The following ASTN2 variants were observed in gnomAD, a reference collection of about 807,000 sequenced individuals.
The protein encoded by ASTN2 is astrotactin 2.
In ASTN2, 54 loss-of-function variants were observed where a neutral mutation model predicts 139.8. The observed-to-expected ratio is 0.39, with a 90% CI of 0.31 to 0.48. ASTN2 has a LOEUF of 0.48. ASTN2 is among the 20% of genes least tolerant of loss of function. ASTN2 has a pLI of 0.95. For missense variants in ASTN2, 1,565 were observed against 1,725.1 expected, an observed-to-expected ratio of 0.91 and a Z score of 1.64; for synonymous variants, 756 against 719.5, an observed-to-expected ratio of 1.05 and a Z score of -0.81.
chr9:116,511,167 G>A (rs1265280041), intron 19 of ASTN2, among the ~76,000 whole-genome samples: 1 of 152,104 alleles, frequency 6.6e-6, no homozygotes, highest in African/African-American at 2.4e-5. Context: ...ATTATTTTGA[G>A]ATACGTCCGA....
At chr9:117,358,938 C>A (rs551808259) in intron 1 of ASTN2, among the ~76,000 whole-genome samples, 18 of 152,220 alleles carry the variant, frequency 1.2e-4, no homozygotes, top group African/African-American at 3.9e-4. Context: ...TCACTAGCTT[C>A]TTCCTGAAAC....
intron 22 of ASTN2, among the ~76,000 whole-genome samples, chr9:116,430,545 C>A (rs1470200259): frequency 6.6e-6 from 1 of 152,146 alleles, no homozygotes; most frequent in East Asian, 1.9e-4. Context: ...TGATTCAAAG[C>A]AGAATATTAT....
chr9:117,339,512 G>T (rs957172569), intron 1 of ASTN2, among the ~76,000 whole-genome samples: 1 of 152,092 alleles, frequency 6.6e-6, no homozygotes, highest in African/African-American at 2.4e-5. Flanking sequence ...CAAAAAAAAG[G>T]AACTCCTTTG....
intron 7 of ASTN2, among the ~76,000 whole-genome samples, chr9:116,994,907 C>T (rs1192414156): frequency 7.9e-5 from 12 of 152,156 alleles, no homozygotes; most frequent in Non-Finnish European, 1.8e-4. Context: ...GTATTGTGCT[C>T]AGTGCATAAT....
rs1828832018 is a variant in ASTN2 at position 117,096,037 on chromosome 9, C to A, written c.1276+7G>T. 1 of 1,613,504 alleles carries A rather than the reference C, an allele frequency of 6.2e-7. No homozygotes were observed. The highest frequency in any genetic ancestry group is 8.5e-7 in the Non-Finnish European group (1 of 1,179,506). ...CTGGTTCTGGAACCTTCCAAGGACA[C>A]TATTACCTTTGCTGCGGCGGCGACT... On this transcript the variant is annotated splice_region_variant and intron_variant, in intron 5 of 22. Transcript: ENST00000313400.
Position 116,983,170 on chromosome 9 carries a change from C to A in ASTN2, c.1592-6385G>T, listed in dbSNP as rs140277678. Among the ~76,000 whole-genome samples the A allele has an allele frequency of 7.5e-4, 114 of 152,268 alleles. 1 individual carries two copies. The highest frequency in any genetic ancestry group is 2.6e-3 in the African/African-American group (109 of 41,560). ...TGGTTTGAAAAGACATCTCTCTGGG[C>A]CCTCAGAGCAATAAACATGGATCCC... is the stretch of plus-strand genomic sequence containing the variant. On this transcript the variant is annotated intron_variant, in intron 7 of 22. Coordinates refer to ENST00000313400, the MANE Select transcript of ASTN2 (RefSeq NM_001365068.1).
intron 6 of ASTN2, among the ~76,000 whole-genome samples, chr9:117,029,175 A>T (rs893292377): frequency 6.6e-6 from 1 of 152,182 alleles, no homozygotes; most frequent in Non-Finnish European, 1.5e-5. Flanking sequence ...GAGGATAATA[A>T]CTGGATCTAC....
In ASTN2 at chr9:116,709,499, T is replaced by C. The variant is rs531047896; in HGVS notation, c.2806+16272A>G. Among the ~76,000 whole-genome samples, 22 of 152,316 alleles carry C rather than the reference T, an allele frequency of 1.4e-4. 2 individuals carry two copies. In the South Asian group the frequency reaches 4.3e-3, roughly 30 times the overall value. ...ACTGGCCAAACTTTATGCGGTCCTT[T>C]TAGCACTGAATACCCTGACCAACAT... is the stretch of plus-strand genomic sequence containing the variant. On this transcript the variant is annotated intron_variant, in intron 16 of 22. Transcript: ENST00000313400.
chr9:116,902,850 G>A (rs952958856), intron 10 of ASTN2, among the ~76,000 whole-genome samples: 2 of 151,974 alleles, frequency 1.3e-5, no homozygotes, highest in African/African-American at 2.4e-5. Flanking sequence ...AGGAGTAAAT[G>A]TTTTTTTACT....
At chr9:116,916,179 G>T (rs1384597901) in intron 10 of ASTN2, among the ~76,000 whole-genome samples, 1 of 152,178 alleles carries the variant, frequency 6.6e-6, no homozygotes, top group Non-Finnish European at 1.5e-5. Flanking sequence ...ATTTCCACAT[G>T]TTGGGGTTTC....
intron 11 of ASTN2, among the ~76,000 whole-genome samples, chr9:116,836,129 G>C (rs1352252191): frequency 1.3e-5 from 2 of 152,110 alleles, no homozygotes; most frequent in Non-Finnish European, 2.9e-5. Flanking sequence ...TCCCCACTAG[G>C]ACTTCACGGA....
At chr9:117,084,848 T>C (rs571856982) in intron 5 of ASTN2, among the ~76,000 whole-genome samples, 29 of 152,358 alleles carry the variant, frequency 1.9e-4, no homozygotes, top group African/African-American at 6.3e-4. Flanking sequence ...TTCATACTTA[T>C]ATCCAGACTT....
chr9:116,560,691 G>A (rs1852858666), intron 19 of ASTN2, among the ~76,000 whole-genome samples: 1 of 152,132 alleles, frequency 6.6e-6, no homozygotes, highest in Non-Finnish European at 1.5e-5. Flanking sequence ...TCAGAGCTAT[G>A]CCATATCCTC....
intron 10 of ASTN2, among the ~76,000 whole-genome samples, chr9:116,884,881 T>C (rs1490415384): frequency 1.4e-5 from 2 of 142,914 alleles, no homozygotes; most frequent in Non-Finnish European, 1.5e-5. Context: ...AGTGGCGCTA[T>C]CTTGGCTCAC....
At chr9:116,664,931 G>A in intron 16 of ASTN2, among the ~76,000 whole-genome samples, 1 of 152,148 alleles carries the variant, frequency 6.6e-6, no homozygotes, top group Admixed American at 6.5e-5. Context: ...GACGGGGTAG[G>A]AGGTGTTTGG....
intron 1 of ASTN2, among the ~76,000 whole-genome samples, chr9:117,327,949 CTG>C: frequency 6.6e-6 from 1 of 152,230 alleles, no homozygotes; most frequent in East Asian, 1.9e-4. Context: ...TGCTCAATAA[CTG>C]TTTGTTCTAT....
chr9:117,158,005 A>G (rs1256175865), intron 3 of ASTN2, among the ~76,000 whole-genome samples: 1 of 152,088 alleles, frequency 6.6e-6, no homozygotes, highest in Non-Finnish European at 1.5e-5. Context: ...ATGTATTGGC[A>G]TTTAGCACAG....
chr9:116,484,269 G>A (rs976000841), intron 20 of ASTN2, among the ~76,000 whole-genome samples: 1 of 152,270 alleles, frequency 6.6e-6, no homozygotes, highest in South Asian at 2.1e-4. Flanking sequence ...AGTTTTCAAA[G>A]TCAACTCTCT....
chr9:117,134,285 TATATATATATAC>T (rs1272217212), intron 4 of ASTN2, among the ~76,000 whole-genome samples: 119 of 76,028 alleles, frequency 1.6e-3, no homozygotes, highest in African/African-American at 3.1e-3. Context: ...TATATATATA[TATATATATATAC>T]ACACACACAC....
Sources: allele counts gnomAD v4.1 joint callset (sites outside exome capture counted in the v4.1 genomes callset), GRCh38; gene constraint gnomAD v4.1.1; transcripts MANE v1.5; gene names NCBI Gene and HGNC (gene_info 2026-07-23, HGNC 2026-07-21).